ACSBG1: variants seen among roughly 807,000 people sequenced by gnomAD.
ACSBG1 encodes the protein long-chain-fatty-acid--CoA ligase ACSBG1.
In ACSBG1, 39 loss-of-function variants were observed where a neutral mutation model predicts 80.2. The ratio of observed to expected loss-of-function variants is 0.49; its 90% CI spans 0.38 to 0.64. The LOEUF (loss-of-function observed/expected upper bound fraction) is 0.64, where lower values mean the gene tolerates loss of function less well. Among genes scored for constraint, ACSBG1 ranks in the 30% least tolerant of loss-of-function variants. The probability of loss-of-function intolerance (pLI) is 0.00; values close to 1 mark genes in which losing one functional copy is unlikely to be tolerated. For missense variants in ACSBG1, 828 were observed against 966.4 expected (o/e 0.86, Z 1.90); for synonymous variants, 392 against 379.5 (o/e 1.03, Z -0.38).
Position 78,178,455 on chromosome 15 carries a change from C to T in ACSBG1, c.1702+159G>A, listed in dbSNP as rs560683383. Among the ~76,000 whole-genome samples the T allele has an allele frequency of 6.6e-5, 10 of 152,292 alleles. No homozygotes were observed. The South Asian group carries it at 8.3e-4, about 13-fold the overall frequency. On this transcript the variant is annotated intron_variant, in intron 11 of 13. Coordinates refer to ENST00000258873, the MANE Select transcript of ACSBG1 (RefSeq NM_015162.5). This position sits in a 1 kb window ranked among gnomAD's most constrained non-coding sequence, Gnocchi z 4.3. ...CTGGGATTACAGGTGCATGCCACCA[C>T]GCCCAGCTAATTTTTCGTGTGTTTT...
chr15:78,169,676 G>T lies in ACSBG1; in HGVS notation c.*1768C>A, dbSNP rs910571225. On this transcript the variant is annotated 3_prime_UTR_variant, in exon 14 of 14. Coordinates refer to ENST00000258873, the MANE Select transcript of ACSBG1 (RefSeq NM_015162.5). ...ATATATTGGATACAAAGACACAAATGTATTGTGTGTTCAATTATTTTGTTG... is the reference window on the plus strand; with the variant it reads ...ATATATTGGATACAAAGACACAAATTTATTGTGTGTTCAATTATTTTGTTG... The T allele has an allele frequency of 3.3e-5, 5 of 152,186 alleles. No homozygotes were observed. The highest frequency in any genetic ancestry group is 2.1e-4 in the South Asian group (1 of 4,834). The allele number at this position is 152,186 out of a possible 1,614,324, so 9.4% of individuals were successfully genotyped here. A position where few individuals can be genotyped will look rare whatever the true frequency, so the allele number is the denominator to read the frequency against.
Position 78,182,441 on chromosome 15 carries a change from C to G in ACSBG1, c.894+25G>C, listed in dbSNP as rs200340104. ...CACCCATAACCCCCTTGCACCCCCCCCACCCCACCGGGCATCTGTCCTACA... is the reference window on the plus strand; with the variant it reads ...CACCCATAACCCCCTTGCACCCCCCGCACCCCACCGGGCATCTGTCCTACA... On this transcript the variant is annotated intron_variant, in intron 7 of 13. Transcript: ENST00000258873. 5.0e-6 allele frequency: 8 copies of G among 1,612,322 alleles called. No individual in the cohort carries two copies. In the Admixed American group the frequency reaches 1.3e-4, roughly 27 times the overall value.
intron 13 of ACSBG1, among the ~76,000 whole-genome samples, chr15:78,173,084 G>A (rs935884006): frequency 4.6e-5 from 7 of 152,120 alleles, no homozygotes; most frequent in Admixed American, 1.3e-4. Flanking sequence ...AGTGGCTCAC[G>A]CCTGTAATCC....
At chr15:78,230,598 T>C (rs1451758496) in intron 1 of ACSBG1, among the ~76,000 whole-genome samples, 1 of 152,228 alleles carries the variant, frequency 6.6e-6, no homozygotes, top group African/African-American at 2.4e-5. Flanking sequence ...AATTCCCATG[T>C]GTTGTGAGAC....
At chr15:78,215,760 A>AAGAAAG (rs2075305708) in intron 1 of ACSBG1, among the ~76,000 whole-genome samples, 1 of 147,438 alleles carries the variant, frequency 6.8e-6, no homozygotes, top group African/African-American at 2.5e-5. Context: ...GAAAGAAAGA[A>AAGAAAG]AGAAAGAAAG....
chr15:78,222,612 C>T (rs1196143088), intron 1 of ACSBG1, among the ~76,000 whole-genome samples: 3 of 152,214 alleles, frequency 2.0e-5, no homozygotes, highest in Non-Finnish European at 4.4e-5. Context: ...GTTTATGCAA[C>T]TTCACTCCAG....
intron 2 of ACSBG1, among the ~76,000 whole-genome samples, chr15:78,204,336 A>G (rs1454273919): frequency 1.3e-5 from 2 of 152,192 alleles, no homozygotes; most frequent in Non-Finnish European, 2.9e-5. Flanking sequence ...CTGCCCCTGT[A>G]AAGGTGAGCA....
intron 1 of ACSBG1, among the ~76,000 whole-genome samples, chr15:78,210,168 T>A (rs994663638): frequency 1.3e-5 from 2 of 152,218 alleles, no homozygotes; most frequent in African/African-American, 4.8e-5. Context: ...GCTCAGACAC[T>A]GATCTTGTCC....
intron 5 of ACSBG1, among the ~76,000 whole-genome samples, chr15:78,185,941 CA>C (rs760845968): frequency 2.6e-5 from 4 of 151,736 alleles, no homozygotes; most frequent in Non-Finnish European, 5.9e-5. Context: ...AACAGAAAAA[CA>C]AGCACCTTTT....
intron 3 of ACSBG1, 32 bp downstream of exon 3, chr15:78,194,474 G>C: frequency 1.2e-6 from 2 of 1,604,126 alleles, no homozygotes; most frequent in South Asian, 2.2e-5. Context: ...ATCTGGGGAG[G>C]GGCAAGGCCT....
intron 11 of ACSBG1, among the ~76,000 whole-genome samples, chr15:78,175,781 A>G (rs2074876054): frequency 6.6e-6 from 1 of 152,196 alleles, no homozygotes; most frequent in South Asian, 2.1e-4. Context: ...GCAAGTGTCT[A>G]TATGATCAGG....
At chr15:78,212,214 T>C (rs761401913) in intron 1 of ACSBG1, among the ~76,000 whole-genome samples, 1 of 152,198 alleles carries the variant, frequency 6.6e-6, no homozygotes, top group Admixed American at 6.5e-5. Context: ...GTCTGCCTGC[T>C]TGGGCACAAC....
At chr15:78,205,251 T>C (rs1554377) in intron 2 of ACSBG1, among the ~76,000 whole-genome samples, 72,220 of 151,686 alleles carry the variant, frequency 0.48, 17,747 homozygotes, top group East Asian at 0.78. Context: ...CACAGCTGCT[T>C]CCTGGGAGTA....
intron 1 of ACSBG1, among the ~76,000 whole-genome samples, chr15:78,208,484 T>C (rs1458748982): frequency 1.3e-5 from 2 of 152,204 alleles, no homozygotes; most frequent in Non-Finnish European, 2.9e-5. Flanking sequence ...ATGCCACTCC[T>C]GGAGAGGGCA....
intron 12 of ACSBG1, 46 bp downstream of exon 12, chr15:78,174,339 C>G (rs368443193): frequency 1.9e-6 from 3 of 1,613,644 alleles, no homozygotes; most frequent in East Asian, 4.5e-5. Context: ...GACCCACAGA[C>G]CCCCTCACTG....
At chr15:78,212,728 T>A (rs1229391729) in intron 1 of ACSBG1, 3 of 384,716 alleles carry the variant, frequency 7.8e-6, no homozygotes, top group Non-Finnish European at 1.6e-5. Context: ...CGGACCGCCC[T>A]GCAACAGAGA....
rs556975864 is a variant in ACSBG1, at chr15:78,182,768, T to C, written c.681A>G (p.Pro227=). 5 of 1,614,198 alleles carry C rather than the reference T, an allele frequency of 3.1e-6. No individual in the cohort carries two copies. In the Admixed American group the frequency reaches 8.3e-5, roughly 27 times the overall value. Residue 227 remains proline (P), a synonymous_variant, in exon 6 of 14, where the codon CCA becomes CCG. Transcript: ENST00000258873. ...EKILKIWKQL[P]HLKAVVIYKE... is the part of the protein sequence containing the mutation. ...TATATATCACGACTGCCTTTAGATG[T>C]GGCAACTGTTTCCAGATCTGCATTG...
intron 2 of ACSBG1, among the ~76,000 whole-genome samples, chr15:78,201,126 G>T (rs1432614456): frequency 6.6e-6 from 1 of 152,192 alleles, no homozygotes; most frequent in African/African-American, 2.4e-5. Context: ...ATGGAGGATG[G>T]GGTCATGGTC....
rs1452380834 is a variant in ACSBG1 at position 78,174,529 on chromosome 15, G to GGAGGC, written c.1703-10_1703-6dup. On this transcript the variant is annotated splice_polypyrimidine_tract_variant and splice_region_variant and intron_variant, in intron 11 of 13. Transcript: ENST00000258873. ...CACCAGCTGTGATGATTAATTCTGG[G>GGAGGC]GAGGCAAGGCCAGGCCCCCGGCACA... 6.2e-7 allele frequency: 1 copy of GGAGGC among 1,613,222 alleles called. No individual in the cohort carries two copies.
Sources: gnomAD v4.1 joint callset for allele counts (sites outside exome capture counted in the v4.1 genomes callset) on GRCh38, gnomAD v4.1.1 for gene constraint, Gnocchi (gnomAD v3.1) non-coding constraint, MANE v1.5 for transcripts, NCBI Gene and HGNC (gene_info 2026-07-23, HGNC 2026-07-21) for gene names.